KDM3B: variants seen among roughly 807,000 people sequenced by gnomAD.
The protein encoded by KDM3B is lysine demethylase 3B.
In KDM3B, 10 loss-of-function variants were observed where a neutral mutation model predicts 170.0. The ratio of observed to expected loss-of-function variants is 0.06; its 90% CI spans 0.04 to 0.10. KDM3B has a LOEUF of 0.10. Among genes scored for constraint, KDM3B ranks in the 10% least tolerant of loss-of-function variants. KDM3B has a pLI of 1.00. For synonymous variants in KDM3B, 831 were observed against 834.8 expected (o/e 1.00, Z 0.08); for missense variants, 1,394 against 2,195.2 (o/e 0.64, Z 7.29).
At chr5:138,386,772 C>A in intron 7 of KDM3B, 151 bp downstream of exon 7, 1 of 1,034,620 alleles carries the variant, frequency 9.7e-7, no homozygotes, top group Non-Finnish European at 1.4e-6. Context: ...TTACTGCTCA[C>A]TGGGCAAATG....
intron 3 of KDM3B, among the ~76,000 whole-genome samples, chr5:138,375,824 G>A (rs578104536): frequency 3.9e-5 from 6 of 151,916 alleles, no homozygotes; most frequent in African/African-American, 1.4e-4. Flanking sequence ...TTACAGGCAT[G>A]TGCCACCACA....
chr5:138,400,024 T>C lies in KDM3B; in HGVS notation c.3199+12T>C, dbSNP rs1561779173. 6.2e-7 allele frequency: 1 copy of C among 1,613,690 alleles called. No individual in the cohort carries two copies. Reference sequence around the variant, plus strand: ...CCGGCCACGCAGTGGTAAGTAAACATTGTCCTGTGTAGCTCGAAAGGTAAC... The same window carrying C: ...CCGGCCACGCAGTGGTAAGTAAACACTGTCCTGTGTAGCTCGAAAGGTAAC... On this transcript the variant is annotated intron_variant, in intron 11 of 23. Coordinates refer to ENST00000314358, the MANE Select transcript of KDM3B (RefSeq NM_016604.4).
In KDM3B at chr5:138,432,099, G is replaced by A. The variant is rs146570788; in HGVS notation, c.5205+540G>A. ...GTTGTGACAGTCCTCATTTCTGTCCGTTTCAGAGTTATAGTATTACAAGTG... is the reference window on the plus strand; with the variant it reads ...GTTGTGACAGTCCTCATTTCTGTCCATTTCAGAGTTATAGTATTACAAGTG... On this transcript the variant is annotated intron_variant, in intron 23 of 23. Coordinates refer to ENST00000314358, the MANE Select transcript of KDM3B (RefSeq NM_016604.4). Among the ~76,000 whole-genome samples, 15 of 152,166 alleles carry A rather than the reference G, an allele frequency of 9.9e-5. No individual in the cohort carries two copies. The East Asian group carries it at 1.4e-3, about 14-fold the overall frequency.
intron 20 of KDM3B, among the ~76,000 whole-genome samples, 195 bp from the exon 21 acceptor site, chr5:138,429,631 C>G (rs1763480597): frequency 6.6e-6 from 1 of 152,204 alleles, no homozygotes; most frequent in Non-Finnish European, 1.5e-5. Context: ...AATGCTGAAT[C>G]TCTAATAAGT....
rs1376054506 is a variant in KDM3B at position 138,427,261 on chromosome 5, T to C, written c.4575T>C (p.Ser1525=). The change falls in exon 19 of 24, where the codon TCT becomes TCC. Residue 1525 remains serine, a synonymous_variant. Transcript: ENST00000314358. ...TKRDGRLNLA[S]RLPSYFVRPD... ...GAGATGGCAGGCTCAATCTGGCCTC[T>C]AGGCTACCTAGCTACTTTGTAAGGC... is the stretch of plus-strand genomic sequence containing the variant. The C allele has an allele frequency of 6.2e-7, 1 of 1,614,032 alleles. No homozygotes were observed. Among genetic ancestry groups the C allele is most frequent in the Non-Finnish European group, 8.5e-7 (1 of 1,179,976 alleles).
chr5:138,402,673 A>G (rs1762721162), intron 11 of KDM3B, among the ~76,000 whole-genome samples: 1 of 152,202 alleles, frequency 6.6e-6, no homozygotes, highest in African/African-American at 2.4e-5. Flanking sequence ...CAATGAGAAA[A>G]CTAGATAAAA....
At chr5:138,392,867 C>G (rs1052308504) in intron 8 of KDM3B, among the ~76,000 whole-genome samples, 2 of 152,160 alleles carry the variant, frequency 1.3e-5, no homozygotes, top group Middle Eastern at 3.2e-3. Flanking sequence ...ATAGCCATAT[C>G]GTGAGAGACT....
chr5:138,422,707 C>A (rs1323060403), intron 15 of KDM3B, among the ~76,000 whole-genome samples: 1 of 152,138 alleles, frequency 6.6e-6, no homozygotes, highest in Non-Finnish European at 1.5e-5. Flanking sequence ...TCCCAACCAC[C>A]TGTTTCCCTT....
intron 8 of KDM3B, among the ~76,000 whole-genome samples, chr5:138,392,962 A>T (rs1762470509): frequency 6.6e-6 from 1 of 152,158 alleles, no homozygotes; most frequent in South Asian, 2.1e-4. Flanking sequence ...GGCACTTCCC[A>T]CAAGTTCTGC....
intron 1 of KDM3B, 83 bp downstream of exon 1, chr5:138,353,070 G>A: frequency 9.8e-7 from 1 of 1,019,310 alleles, no homozygotes; most frequent in Non-Finnish European, 1.2e-6. Flanking sequence ...GTGAGGGGGC[G>A]GTGGGATGGG....
intron 7 of KDM3B, among the ~76,000 whole-genome samples, chr5:138,389,293 A>C (rs551497072): frequency 6.6e-6 from 1 of 152,358 alleles, no homozygotes; most frequent in Admixed American, 6.5e-5. Context: ...AGGCAAGCCT[A>C]GGTGGCCTGC....
At chr5:138,401,755 G>A (rs919363216) in intron 11 of KDM3B, among the ~76,000 whole-genome samples, 8 of 152,120 alleles carry the variant, frequency 5.3e-5, no homozygotes, top group Non-Finnish European at 1.2e-4. Context: ...TAATGTATGA[G>A]GGAATTTTCC....
At chr5:138,392,286 G>C (rs753107058) in intron 8 of KDM3B, 25 bp downstream of exon 8, 1 of 1,465,332 alleles carries the variant, frequency 6.8e-7, no homozygotes, top group South Asian at 1.6e-5. Context: ...GCTATATTTG[G>C]GCTTTGCTCT....
intron 15 of KDM3B, 144 bp downstream of exon 15, chr5:138,421,106 A>G: frequency 3.0e-6 from 3 of 994,984 alleles, no homozygotes; most frequent in Non-Finnish European, 4.4e-6. Flanking sequence ...AGTTTTGGGA[A>G]TCTTTTTAAG....
At chr5:138,421,688 A>C (rs12519732) in intron 15 of KDM3B, among the ~76,000 whole-genome samples, 39,025 of 152,008 alleles carry the variant, frequency 0.26, 5,685 homozygotes, top group East Asian at 0.56. Context: ...GAGGCTTTTT[A>C]TTAAGAAATA....
intron 1 of KDM3B, among the ~76,000 whole-genome samples, chr5:138,370,412 G>C (rs1299708280): frequency 6.6e-6 from 1 of 151,966 alleles, no homozygotes; most frequent in African/African-American, 2.4e-5. Flanking sequence ...ACTGAGCTAT[G>C]GTTCCATACT....
At chr5:138,377,493 C>G (rs998882353) in intron 3 of KDM3B, among the ~76,000 whole-genome samples, 1 of 152,176 alleles carries the variant, frequency 6.6e-6, no homozygotes, top group Non-Finnish European at 1.5e-5. Flanking sequence ...CGCAGCCATA[C>G]CTCACTGCAG....
intron 11 of KDM3B, among the ~76,000 whole-genome samples, chr5:138,404,477 A>G (rs1257326569): frequency 1.3e-5 from 2 of 151,944 alleles, no homozygotes; most frequent in African/African-American, 4.8e-5. Context: ...AAAATACAAA[A>G]TTAGCCGGGT....
chr5:138,436,260 C>A lies in KDM3B; in HGVS notation c.*560C>A, dbSNP rs1324191915. 1 of 152,322 alleles carries A rather than the reference C, an allele frequency of 6.6e-6. No homozygotes were observed. Among genetic ancestry groups the A allele is most frequent in the Non-Finnish European group, 1.5e-5 (1 of 68,168 alleles). The allele number at this position is 152,322 out of a possible 1,614,324, so 9.4% of individuals were successfully genotyped here. A position where few individuals can be genotyped will look rare whatever the true frequency, so the allele number is the denominator to read the frequency against. ...CCCAGGGAGAACCCACTGCTTTTCC[C>A]AGGAGGCTCCAGGATTAGGAAATGT... On this transcript the variant is annotated 3_prime_UTR_variant, in exon 24 of 24. Coordinates refer to ENST00000314358, the MANE Select transcript of KDM3B (RefSeq NM_016604.4).
Sources: allele counts gnomAD v4.1 joint callset (sites outside exome capture counted in the v4.1 genomes callset), GRCh38; gene constraint gnomAD v4.1.1; transcripts MANE v1.5; gene names NCBI Gene and HGNC (gene_info 2026-07-23, HGNC 2026-07-21).